ASTN2: variants seen among roughly 807,000 people sequenced by gnomAD.
ASTN2 encodes astrotactin-2.
A neutral mutation model predicts 139.8 loss-of-function variants in ASTN2; 54 were observed. The observed-to-expected ratio is 0.39, with a 90% confidence interval of 0.31 to 0.48. ASTN2 has a LOEUF of 0.48. ASTN2 is among the 20% of genes least tolerant of loss of function. The probability of loss-of-function intolerance (pLI) is 0.95; values close to 1 mark genes in which losing one functional copy is unlikely to be tolerated. For synonymous variants in ASTN2, 756 were observed against 719.5 expected (o/e 1.05, Z -0.81); for missense variants, 1,565 against 1,725.1 (o/e 0.91, Z 1.64).
chr9:116,546,418 A>G (rs769309923), intron 19 of ASTN2: 1 of 152,172 alleles, frequency 6.6e-6, no homozygotes, highest in African/African-American at 2.4e-5. Flanking sequence ...GACTTGCCCA[A>G]TGTTGAACAA....
At chr9:117,161,424 C>G (rs1212979684) in intron 3 of ASTN2, among the ~76,000 whole-genome samples, 1 of 151,918 alleles carries the variant, frequency 6.6e-6, no homozygotes, top group African/African-American at 2.4e-5. Flanking sequence ...GACAGGGTCT[C>G]ACTCTGTCAC....
At chr9:116,615,429 T>C (rs535003356) in intron 19 of ASTN2, among the ~76,000 whole-genome samples, 9 of 152,186 alleles carry the variant, frequency 5.9e-5, no homozygotes, top group African/African-American at 1.9e-4. Flanking sequence ...TGCACACGTA[T>C]GTTTATTGTG....
intron 5 of ASTN2, among the ~76,000 whole-genome samples, chr9:117,093,719 C>T (rs1389272558): frequency 6.6e-6 from 1 of 152,182 alleles, no homozygotes; most frequent in Admixed American, 6.5e-5. Flanking sequence ...TTGCCTAGAA[C>T]AAAGATGTTG....
At chr9:116,677,985 T>C (rs1020469202) in intron 16 of ASTN2, among the ~76,000 whole-genome samples, 2 of 152,226 alleles carry the variant, frequency 1.3e-5, no homozygotes, top group African/African-American at 2.4e-5. Flanking sequence ...AAAAGAGCTC[T>C]GATTAATTGG....
At chr9:116,725,632 G>A in intron 16 of ASTN2, 139 bp downstream of exon 16, 2 of 798,620 alleles carry the variant, frequency 2.5e-6, no homozygotes, top group Non-Finnish European at 2.0e-6. Flanking sequence ...CTCAGAGAGA[G>A]GCAGGGACTT....
intron 2 of ASTN2, among the ~76,000 whole-genome samples, chr9:117,253,065 T>A (rs1323958579): frequency 2.6e-5 from 4 of 152,122 alleles, no homozygotes; most frequent in Non-Finnish European, 5.9e-5. Flanking sequence ...AAATAGATGA[T>A]GTAGATTGTG....
intron 16 of ASTN2, among the ~76,000 whole-genome samples, chr9:116,665,511 T>C (rs921877981): frequency 6.6e-6 from 1 of 152,194 alleles, no homozygotes; most frequent in Non-Finnish European, 1.5e-5. Flanking sequence ...GAAATAATGA[T>C]AATGTACTAG....
rs373000964 is a variant in ASTN2, at chr9:116,833,216, T to C, written c.2041-12433A>G. ...TAAAATTATTTGTAGCATTCCCTTA[T>C]TATCCTTTTGATTTACACAAGGTCT... On this transcript the variant is annotated intron_variant, in intron 11 of 22. Coordinates refer to ENST00000313400, the MANE Select transcript of ASTN2 (RefSeq NM_001365068.1). Among the ~76,000 whole-genome samples, 5 of 152,176 alleles carry C rather than the reference T, an allele frequency of 3.3e-5. No homozygotes were observed. The East Asian group carries it at 7.7e-4, about 23-fold the overall frequency.
intron 1 of ASTN2, among the ~76,000 whole-genome samples, chr9:117,334,683 C>CTG (rs1003907992): frequency 2.6e-5 from 4 of 152,116 alleles, no homozygotes; most frequent in Non-Finnish European, 5.9e-5. Context: ...TAAGAGCCTC[C>CTG]TGTGGCTCAC....
Position 117,025,687 on chromosome 9 carries a change from G to A in ASTN2, c.1423+14132C>T, listed in dbSNP as rs562339091. On this transcript the variant is annotated intron_variant, in intron 6 of 22. Transcript: ENST00000313400. ...TCAGGGGAGCAGCCTTCAGAGATCC[G>A]GCAAATTAATTTTACTCGCAGGACA... Among the ~76,000 whole-genome samples, 24 of 152,148 alleles carry A rather than the reference G, an allele frequency of 1.6e-4. No homozygotes were observed. In the East Asian group the frequency reaches 2.9e-3, roughly 18 times the overall value.
At chr9:117,246,867 T>C (rs1018212234) in intron 2 of ASTN2, among the ~76,000 whole-genome samples, 1 of 152,026 alleles carries the variant, frequency 6.6e-6, no homozygotes, top group Admixed American at 6.6e-5. Flanking sequence ...ACAGGGTGTA[T>C]CTGCAAAACT....
rs550231305 is a variant in ASTN2, at chr9:116,960,239, C to T, written c.1889+14969G>A. ...TGCAGAACTCCCTTCTGACTCCAGC[C>T]AAAGGGTTTCAAAAACCTGAGGTTG... On this transcript the variant is annotated intron_variant, in intron 10 of 22. Coordinates refer to ENST00000313400, the MANE Select transcript of ASTN2 (RefSeq NM_001365068.1). Among the ~76,000 whole-genome samples the T allele has an allele frequency of 3.3e-5, 5 of 152,222 alleles. No individual in the cohort carries two copies. In the East Asian group the frequency reaches 7.8e-4, roughly 24 times the overall value.
chr9:116,744,050 G>A (rs1197595805), intron 13 of ASTN2, among the ~76,000 whole-genome samples: 1 of 152,146 alleles, frequency 6.6e-6, no homozygotes, highest in Non-Finnish European at 1.5e-5. Context: ...AGGCTCCCTG[G>A]AGGAGGTGAG....
intron 5 of ASTN2, among the ~76,000 whole-genome samples, chr9:117,063,681 A>T (rs1364711662): frequency 6.6e-6 from 1 of 152,218 alleles, no homozygotes; most frequent in Non-Finnish European, 1.5e-5. Flanking sequence ...TTAGTCCACT[A>T]GAAGGTAAAT....
rs56991546 is a variant in ASTN2 at position 116,718,972 on chromosome 9, G to GTGTATATATA, written c.2806+6798_2806+6799insTATATATACA. On this transcript the variant is annotated intron_variant, in intron 16 of 22. Transcript: ENST00000313400. ...TATTTACATATCTATACCTGTATCT[G>GTGTATATATA]TACATATATATATATATATCTGCCT... is the stretch of plus-strand genomic sequence containing the variant. Among the ~76,000 whole-genome samples, 248 of 100,042 alleles carry GTGTATATATA rather than the reference G, an allele frequency of 2.5e-3. 15 individuals carry two copies. The highest frequency in any genetic ancestry group is 7.2e-3 in the African/African-American group (187 of 26,054). 65.6% of individuals were successfully genotyped at this position (100,042 alleles called of 152,430 possible).
At chr9:117,311,229 GAA>G (rs67365219) in intron 1 of ASTN2, among the ~76,000 whole-genome samples, 6,547 of 140,836 alleles carry the variant, frequency 0.046, 356 homozygotes, top group African/African-American at 0.14. Flanking sequence ...TAGGCTTACA[GAA>G]AAAAAAAAAA....
At chr9:116,969,188 T>G (rs535584357) in intron 10 of ASTN2, among the ~76,000 whole-genome samples, 16 of 152,216 alleles carry the variant, frequency 1.1e-4, no homozygotes, top group African/African-American at 3.9e-4. Flanking sequence ...GATCCCAAAA[T>G]AGGCCAAAGA....
chr9:116,556,699 C>T lies in ASTN2; in HGVS notation c.3355+61625G>A, dbSNP rs148700030. Among the ~76,000 whole-genome samples, 451 of 152,184 alleles carry T rather than the reference C, an allele frequency of 3.0e-3. 2 individuals are homozygous for T. Among genetic ancestry groups the T allele is most frequent in the Non-Finnish European group, 5.3e-3 (358 of 68,004 alleles). The stretch of plus-strand genomic sequence containing the variant: ...CTCTAGCTTTCTAAGACTTTAGTGA[C>T]CCTAATGTCCCTAAGTTTAACCCCA... On this transcript the variant is annotated intron_variant, in intron 19 of 22. Coordinates refer to ENST00000313400, the MANE Select transcript of ASTN2 (RefSeq NM_001365068.1).
At chr9:116,643,696 C>T (rs894517114) in intron 17 of ASTN2, among the ~76,000 whole-genome samples, 3 of 152,090 alleles carry the variant, frequency 2.0e-5, no homozygotes, top group Admixed American at 1.3e-4. Context: ...GCACATAGTA[C>T]ATATATATGT....
Sources: allele counts gnomAD v4.1 joint callset (sites outside exome capture counted in the v4.1 genomes callset), GRCh38; gene constraint gnomAD v4.1.1; transcripts MANE v1.5; gene names NCBI Gene and HGNC (gene_info 2026-07-23, HGNC 2026-07-21).